Variants in ATP8A2 observed in about 807,000 individuals in gnomAD.
ATP8A2 encodes ATPase phospholipid transporting 8A2, also known as phospholipid-transporting ATPase IB.
In ATP8A2, 100 loss-of-function variants were observed where a neutral mutation model predicts 165.6. The observed-to-expected ratio is 0.60, with a 90% CI of 0.51 to 0.71. The LOEUF (loss-of-function observed/expected upper bound fraction) is 0.71. ATP8A2 is among the 30% of genes least tolerant of loss of function. ATP8A2 has a pLI of 0.00. For missense variants in ATP8A2, 1,227 were observed against 1,479.5 expected (o/e 0.83, Z 2.80); for synonymous variants, 543 against 548.8 (o/e 0.99, Z 0.15).
chr13:25,926,116 G>T (rs1954598381), intron 33 of ATP8A2, among the ~76,000 whole-genome samples: 1 of 152,096 alleles, frequency 6.6e-6, no homozygotes, highest in Admixed American at 6.6e-5. Context: ...CCTTCAATAA[G>T]CTTCAGCTTG....
At chr13:26,002,617 A>G (rs1206306568) in intron 35 of ATP8A2, among the ~76,000 whole-genome samples, 1 of 151,086 alleles carries the variant, frequency 6.6e-6, no homozygotes, top group Non-Finnish European at 1.5e-5. Context: ...GTACCCTTTG[A>G]CCAACAGCTC....
intron 35 of ATP8A2, among the ~76,000 whole-genome samples, chr13:25,983,278 A>ACAAAAGAAAATGAAGTAACAACAG (rs1956207956): frequency 6.6e-6 from 1 of 152,246 alleles, no homozygotes; most frequent in Non-Finnish European, 1.5e-5. Context: ...AAGAACAACA[A>ACAAAAGAAAATGAAGTAACAACAG]CAAAAGAAAA....
intron 33 of ATP8A2, among the ~76,000 whole-genome samples, chr13:25,912,288 A>C (rs1258757954): frequency 6.6e-6 from 1 of 152,192 alleles, no homozygotes; most frequent in Non-Finnish European, 1.5e-5. Context: ...AAATAAGCCA[A>C]GTACAGAAAG....
chr13:25,652,754 A>T (rs940213334), intron 24 of ATP8A2, among the ~76,000 whole-genome samples: 1 of 152,166 alleles, frequency 6.6e-6, no homozygotes, highest in Non-Finnish European at 1.5e-5. Flanking sequence ...ATTTTCTTTC[A>T]GTAGAGTTTT....
chr13:25,485,251 T>C (rs1463879350), intron 2 of ATP8A2, among the ~76,000 whole-genome samples: 1 of 152,224 alleles, frequency 6.6e-6, no homozygotes, highest in Non-Finnish European at 1.5e-5. Context: ...AGATTAGACA[T>C]AGCAGAGGAA....
intron 1 of ATP8A2, among the ~76,000 whole-genome samples, chr13:25,408,045 A>G (rs536461046): frequency 3.9e-5 from 6 of 151,998 alleles, no homozygotes; most frequent in Admixed American, 6.6e-5. Context: ...AAACCTGCAC[A>G]TTCTGCACAT....
At chr13:25,817,814 A>G (rs2138551939) in intron 27 of ATP8A2, among the ~76,000 whole-genome samples, 1 of 152,102 alleles carries the variant, frequency 6.6e-6, no homozygotes, top group South Asian at 2.1e-4. Flanking sequence ...GGTAACTGGG[A>G]CTACAGGCAT....
At chr13:25,470,625 A>G (rs1319216471) in intron 2 of ATP8A2, among the ~76,000 whole-genome samples, 1 of 152,224 alleles carries the variant, frequency 6.6e-6, no homozygotes, top group Non-Finnish European at 1.5e-5. Context: ...CCCGAGAGAA[A>G]TGAAAACCTA....
At chr13:25,511,796 G>A (rs986985362) in intron 2 of ATP8A2, among the ~76,000 whole-genome samples, 2 of 151,744 alleles carry the variant, frequency 1.3e-5, no homozygotes, top group African/African-American at 4.8e-5. Context: ...GGTACTTCGT[G>A]TACCCTTTCA....
At chr13:25,479,384 A>C (rs1452624375) in intron 2 of ATP8A2, among the ~76,000 whole-genome samples, 1 of 152,186 alleles carries the variant, frequency 6.6e-6, no homozygotes, top group Non-Finnish European at 1.5e-5. Flanking sequence ...GGTTTTAAAG[A>C]GCTTTTACTA....
In ATP8A2 at chr13:25,953,296, T is replaced by C. The variant is rs1245351848; in HGVS notation, c.3184-8279T>C. On this transcript the variant is annotated intron_variant, in intron 33 of 36. Coordinates refer to ENST00000381655, the MANE Select transcript of ATP8A2 (RefSeq NM_016529.6). This position sits in a 1 kb window ranked among gnomAD's most constrained non-coding sequence, Gnocchi z 6.7. Reference sequence around the variant, plus strand: ...CTCAACTCTCTGGCTGCAGGTGCTGTGGGGAAGGGGCAGACTTAAATTTTC... The same window carrying C: ...CTCAACTCTCTGGCTGCAGGTGCTGCGGGGAAGGGGCAGACTTAAATTTTC... Among the ~76,000 whole-genome samples, 1 of 151,960 alleles carries C rather than the reference T, an allele frequency of 6.6e-6. No homozygotes were observed. The highest frequency in any genetic ancestry group is 1.9e-4 in the East Asian group (1 of 5,146).
intron 36 of ATP8A2, among the ~76,000 whole-genome samples, chr13:26,012,832 A>G (rs1208807945): frequency 6.6e-6 from 1 of 152,138 alleles, no homozygotes; most frequent in East Asian, 1.9e-4. Flanking sequence ...TGGGACCACA[A>G]AATCCGTAAA....
chr13:25,426,517 C>A (rs7987905), intron 1 of ATP8A2, among the ~76,000 whole-genome samples: 3,743 of 152,150 alleles, frequency 0.025, 161 homozygotes, highest in African/African-American at 0.085. Flanking sequence ...ATATGAAGCA[C>A]GGAGGATTTT....
chr13:25,531,435 ATATATATGATTATATATATGAT>A (rs1328972602), intron 4 of ATP8A2, among the ~76,000 whole-genome samples: 501 of 41,576 alleles, frequency 0.012, 23 homozygotes, highest in African/African-American at 0.043. Context: ...ATATATGATT[ATATATATGATTATATATATGAT>A]TATATATATG....
At chr13:25,753,333 A>G (rs2044194058) in intron 25 of ATP8A2, among the ~76,000 whole-genome samples, 2 of 152,160 alleles carry the variant, frequency 1.3e-5, no homozygotes, top group Admixed American at 1.3e-4. Flanking sequence ...GCTTATTTCC[A>G]GCCCCCAGCT....
intron 2 of ATP8A2, among the ~76,000 whole-genome samples, chr13:25,516,508 A>G (rs1191477082): frequency 2.0e-5 from 3 of 152,188 alleles, no homozygotes; most frequent in East Asian, 1.9e-4. Flanking sequence ...TAAATGCAAT[A>G]TGTTTTAGTG....
chr13:25,613,906 T>A (rs759505949), intron 24 of ATP8A2, among the ~76,000 whole-genome samples: 24 of 152,186 alleles, frequency 1.6e-4, no homozygotes, highest in Admixed American at 5.9e-4. Flanking sequence ...AGAAATCTGC[T>A]GTTAATCTGA....
At chr13:25,419,379 C>T (rs1241298965) in intron 1 of ATP8A2, among the ~76,000 whole-genome samples, 1 of 152,152 alleles carries the variant, frequency 6.6e-6, no homozygotes, top group Admixed American at 6.5e-5. Context: ...AGGCCCCCAT[C>T]TGTTAAAAAA....
rs150536204 is a variant in ATP8A2 at position 25,474,016 on chromosome 13, T to A, written c.221+4895T>A. Among the ~76,000 whole-genome samples the A allele has an allele frequency of 1.8e-3, 280 of 152,332 alleles. 1 individual carries two copies. Among genetic ancestry groups the A allele is most frequent in the African/African-American group, 6.4e-3 (268 of 41,574 alleles). ...TTTGAAATAGTGAATTTCAAAGCCA[T>A]AAGGCAGTTTTCTTCAATATTTGAA... is the stretch of plus-strand genomic sequence containing the variant. On this transcript the variant is annotated intron_variant, in intron 2 of 36. Coordinates refer to ENST00000381655, the MANE Select transcript of ATP8A2 (RefSeq NM_016529.6).
Sources: allele counts gnomAD v4.1 joint callset (sites outside exome capture counted in the v4.1 genomes callset), GRCh38; gene constraint gnomAD v4.1.1; non-coding constraint Gnocchi (gnomAD v3.1); transcripts MANE v1.5; gene names NCBI Gene and HGNC (gene_info 2026-07-23, HGNC 2026-07-21).